Variants in TANGO6 observed in about 807,000 individuals in gnomAD.
The protein encoded by TANGO6 is transport and golgi organization 6 homolog.
A neutral mutation model predicts 114.2 loss-of-function variants in TANGO6; 90 were observed. The ratio of observed to expected loss-of-function variants is 0.79; its 90% confidence interval spans 0.66 to 0.94. The LOEUF is 0.94. Among genes scored for constraint, TANGO6 ranks in the 40% least tolerant of loss-of-function variants. The pLI, the probability that TANGO6 is intolerant of heterozygous loss-of-function variation, is 0.00. For synonymous variants in TANGO6, 477 were observed against 509.8 expected (o/e 0.94, Z 0.87); for missense variants, 1,274 against 1,315.3 (o/e 0.97, Z 0.49).
intron 15 of TANGO6, among the ~76,000 whole-genome samples, chr16:69,018,292 C>T (rs1343325699): frequency 6.6e-6 from 1 of 150,962 alleles, no homozygotes; most frequent in Non-Finnish European, 1.5e-5. Flanking sequence ...TACAGGCGCC[C>T]GCCACCACGC....
chr16:68,903,014 ATT>A (rs1962804762), intron 9 of TANGO6, among the ~76,000 whole-genome samples: 1 of 152,164 alleles, frequency 6.6e-6, no homozygotes, highest in East Asian at 1.9e-4. Context: ...GCATCTCACA[ATT>A]GCATATTTTA....
At chr16:68,970,603 G>T (rs949795674) in intron 14 of TANGO6, among the ~76,000 whole-genome samples, 3 of 150,366 alleles carry the variant, frequency 2.0e-5, no homozygotes, top group Non-Finnish European at 4.4e-5. Context: ...GGAGATGGAG[G>T]TTGCAGTGAG....
chr16:69,038,659 A>C (rs1174000776), intron 16 of TANGO6, among the ~76,000 whole-genome samples: 2 of 152,164 alleles, frequency 1.3e-5, no homozygotes, highest in Non-Finnish European at 2.9e-5. Flanking sequence ...GTTACATTCA[A>C]CTGTTTGATT....
At chr16:68,955,682 A>G (rs1037559491) in intron 14 of TANGO6, among the ~76,000 whole-genome samples, 1 of 152,242 alleles carries the variant, frequency 6.6e-6, no homozygotes, top group African/African-American at 2.4e-5. Context: ...GCATGATAGA[A>G]TTTATCAGTG....
chr16:68,959,447 T>C (rs1963567375), intron 14 of TANGO6, among the ~76,000 whole-genome samples: 1 of 151,918 alleles, frequency 6.6e-6, no homozygotes, highest in African/African-American at 2.4e-5. Flanking sequence ...GTTAGCTGGG[T>C]GTGGTGGTGT....
intron 16 of TANGO6, among the ~76,000 whole-genome samples, chr16:69,029,672 CAG>C (rs1341153664): frequency 6.6e-6 from 1 of 152,044 alleles, no homozygotes; most frequent in Non-Finnish European, 1.5e-5. Context: ...CAGTGCTAAA[CAG>C]GGTATCAGGT....
chr16:69,020,105 T>TA (rs1275110406), intron 15 of TANGO6, among the ~76,000 whole-genome samples: 4 of 152,126 alleles, frequency 2.6e-5, no homozygotes, highest in African/African-American at 7.2e-5. Context: ...TTTATATATA[T>TA]TTTTTATACA....
At chr16:68,922,810 C>G (rs1476979269) in intron 12 of TANGO6, among the ~76,000 whole-genome samples, 1 of 152,044 alleles carries the variant, frequency 6.6e-6, no homozygotes, top group Non-Finnish European at 1.5e-5. Context: ...TGGTTAAAAG[C>G]TGGGCTCCAA....
intron 17 of TANGO6, among the ~76,000 whole-genome samples, chr16:69,057,801 G>A (rs1022122634): frequency 6.6e-6 from 1 of 152,184 alleles, no homozygotes; most frequent in African/African-American, 2.4e-5. Flanking sequence ...GACCTCCCGG[G>A]ACCTGCCAAC....
intron 15 of TANGO6, among the ~76,000 whole-genome samples, chr16:68,977,533 G>A (rs1190790338): frequency 6.6e-6 from 1 of 150,446 alleles, no homozygotes; most frequent in African/African-American, 2.4e-5. Flanking sequence ...GTGAAACCCT[G>A]TCTCTACTAA....
chr16:68,900,804 C>T (rs1488380519), intron 8 of TANGO6, among the ~76,000 whole-genome samples: 1 of 152,176 alleles, frequency 6.6e-6, no homozygotes, highest in African/African-American at 2.4e-5. Context: ...TCTCTGTTTA[C>T]ATGTGTAAAC....
chr16:69,004,437 C>A (rs1353417470), intron 15 of TANGO6, among the ~76,000 whole-genome samples: 2 of 151,784 alleles, frequency 1.3e-5, no homozygotes, highest in African/African-American at 4.8e-5. Flanking sequence ...CTCACTGCAA[C>A]CTCCGCCTCC....
At chr16:68,953,044 G>A (rs2152206240) in intron 14 of TANGO6, among the ~76,000 whole-genome samples, 1 of 111,704 alleles carries the variant, frequency 9.0e-6, no homozygotes, top group African/African-American at 3.6e-5. Flanking sequence ...CACTCAACAG[G>A]TATTTTTTAT....
At position 69,022,879 on chromosome 16, in the gene TANGO6, G is replaced by T; in HGVS notation, c.2894G>T (p.Gly965Val). ...REPLIHTFLR[G>V]VRDPDGAHRA... ...CCTTTGATCCATACCTTCCTGAGGGGAGTGAGAGATCCTGATGGTGCTCAC... is the reference window on the plus strand; with the variant it reads ...CCTTTGATCCATACCTTCCTGAGGGTAGTGAGAGATCCTGATGGTGCTCAC... Residue 965 changes from glycine (G) to valine (V), a missense_variant, in exon 16 of 18, where the codon GGA becomes GTA. Around this residue, in one of 5 missense-constraint regions of TANGO6, gnomAD observed 238 missense variants for 252.9 expected, o/e 0.94. Transcript: ENST00000261778. 1 of 1,595,104 alleles carries T rather than the reference G, an allele frequency of 6.3e-7. No homozygotes were observed. Among genetic ancestry groups the T allele is most frequent in the East Asian group, 2.3e-5 (1 of 44,374 alleles).
At chr16:69,032,268 C>T (rs1270131739) in intron 16 of TANGO6, among the ~76,000 whole-genome samples, 1 of 151,926 alleles carries the variant, frequency 6.6e-6, no homozygotes, top group Non-Finnish European at 1.5e-5. Context: ...TTCATTTATT[C>T]ATTCATTCAT....
In TANGO6 at chr16:68,862,849, C is replaced by T. The variant is rs531331031; in HGVS notation, c.736-96C>T. ...AGAGGATAGAAGCCTTCTTTCCGCT[C>T]CTCTCACAAGTATCTCTGTACAGTG... On this transcript the variant is annotated intron_variant, in intron 2 of 17. Transcript: ENST00000261778. The T allele has an allele frequency of 7.8e-5, 64 of 820,116 alleles. No individual in the cohort carries two copies. The East Asian group carries it at 1.0e-3, about 13-fold the overall frequency. The allele number at this position is 820,116 out of a possible 1,614,324, so 50.8% of individuals were successfully genotyped here. A position where few individuals can be genotyped will look rare whatever the true frequency, so the allele number is the denominator to read the frequency against.
chr16:68,904,351 A>G (rs1324699659), intron 9 of TANGO6, among the ~76,000 whole-genome samples: 1 of 152,188 alleles, frequency 6.6e-6, no homozygotes, highest in Non-Finnish European at 1.5e-5. Flanking sequence ...CTTAGAAGGG[A>G]CGTTTATCCA....
chr16:68,888,549 C>T (rs896178080), intron 7 of TANGO6, among the ~76,000 whole-genome samples: 1 of 152,174 alleles, frequency 6.6e-6, no homozygotes, highest in Non-Finnish European at 1.5e-5. Context: ...CTGGGAGGCA[C>T]TTAAGTAGTT....
chr16:69,056,050 GAAAAAGA>G (rs1231026737), intron 17 of TANGO6, among the ~76,000 whole-genome samples: 8 of 151,600 alleles, frequency 5.3e-5, no homozygotes, highest in Middle Eastern at 3.4e-3. Flanking sequence ...AAAAAAAAAA[GAAAAAGA>G]AAAAAGAAAA....
Sources: allele counts gnomAD v4.1 joint callset (sites outside exome capture counted in the v4.1 genomes callset), GRCh38; gene constraint gnomAD v4.1.1; regional missense constraint gnomAD v4.1.1; transcripts MANE v1.5; gene names NCBI Gene and HGNC (gene_info 2026-07-23, HGNC 2026-07-21).